Variants in TBK1 observed in about 807,000 individuals in gnomAD.
TBK1 encodes TANK binding kinase 1.
Under a neutral mutation model 99.9 loss-of-function variants are expected in TBK1, and 37 were observed. That is an observed-to-expected ratio of 0.37 (90% CI 0.28 to 0.49). TBK1 has a LOEUF of 0.49. TBK1 is among the 20% of genes least tolerant of loss of function. TBK1 has a pLI of 0.98. For synonymous variants in TBK1, 258 were observed against 279.8 expected, an observed-to-expected ratio of 0.92 and a Z score of 0.78; for missense variants, 644 against 872.5, an observed-to-expected ratio of 0.74 and a Z score of 3.30.
intron 5 of TBK1, among the ~76,000 whole-genome samples, chr12:64,472,035 T>G (rs1010837045): frequency 2.0e-5 from 3 of 151,924 alleles, no homozygotes; most frequent in African/African-American, 7.3e-5. Flanking sequence ...ACACACTAAG[T>G]ACCAGCTGCT....
intron 8 of TBK1, among the ~76,000 whole-genome samples, chr12:64,483,150 T>G (rs774986479): frequency 3.3e-5 from 5 of 152,228 alleles, no homozygotes; most frequent in Non-Finnish European, 7.3e-5. Flanking sequence ...TAAAAAAATA[T>G]AATTTGATTT....
intron 6 of TBK1, among the ~76,000 whole-genome samples, chr12:64,477,322 T>C (rs1016319917): frequency 5.3e-5 from 8 of 152,248 alleles, no homozygotes; most frequent in African/African-American, 1.9e-4. Context: ...CCATTTGTTG[T>C]GTCATTTATG....
chr12:64,452,295 T>G (rs956060514), intron 1 of TBK1, 108 bp downstream of exon 1: 16 of 152,030 alleles, frequency 1.1e-4, no homozygotes, highest in African/African-American at 3.1e-4. Flanking sequence ...GAGGCTGGGA[T>G]GCTGAGTCAG....
intron 5 of TBK1, among the ~76,000 whole-genome samples, chr12:64,470,492 CATG>C (rs1025732284): frequency 2.0e-4 from 30 of 152,050 alleles, no homozygotes; most frequent in Non-Finnish European, 3.5e-4. Flanking sequence ...TTGTTATTGA[CATG>C]ATTTTCCAAA....
chr12:64,467,461 G>T (rs1368269046), intron 5 of TBK1, among the ~76,000 whole-genome samples: 2 of 151,952 alleles, frequency 1.3e-5, no homozygotes, highest in Admixed American at 6.6e-5. Flanking sequence ...ATTGAATGAC[G>T]AAAAGGACCA....
intron 3 of TBK1, among the ~76,000 whole-genome samples, 177 bp from the exon 4 acceptor site, chr12:64,464,157 C>T (rs547871410): frequency 2.1e-4 from 32 of 152,228 alleles, no homozygotes; most frequent in Middle Eastern, 3.4e-3. Flanking sequence ...CCACCACACC[C>T]GGCCGGAAGA....
intron 9 of TBK1, 98 bp downstream of exon 9, chr12:64,484,597 C>T (rs1453159857): frequency 8.2e-7 from 1 of 1,214,340 alleles, no homozygotes; most frequent in East Asian, 2.6e-5. Flanking sequence ...AAAAATAAAA[C>T]AAAAATTAGT....
Position 64,484,426 on chromosome 12 carries a change from A to G in TBK1, c.1116A>G (p.Lys372=), listed in dbSNP as rs775134475. ...EPGRLAQHFP[K]TTEENPIFVV... is the part of the protein sequence containing the mutation. ...GAAGGCTGGCACAACATTTCCCTAA[A>G]ACTACTGAGGAAAACCCTATATTTG... is the stretch of plus-strand genomic sequence containing the variant. Residue 372 remains lysine (K), a synonymous_variant, in exon 9 of 21, where the codon AAA becomes AAG. Coordinates refer to ENST00000331710, the MANE Select transcript of TBK1 (RefSeq NM_013254.4). 2.0e-5 allele frequency: 33 copies of G among 1,614,008 alleles called. No homozygotes were observed. Among genetic ancestry groups the G allele is most frequent in the Non-Finnish European group, 2.8e-5 (33 of 1,180,024 alleles).
At chr12:64,452,257 C>G (rs955527391) in intron 1 of TBK1, 70 bp downstream of exon 1, 2 of 152,112 alleles carry the variant, frequency 1.3e-5, no homozygotes, top group East Asian at 1.9e-4. Flanking sequence ...CTGCGCCGCC[C>G]GGCGGGGAGC....
intron 11 of TBK1, among the ~76,000 whole-genome samples, chr12:64,487,842 C>T (rs2040834028): frequency 6.6e-6 from 1 of 152,128 alleles, no homozygotes; most frequent in Non-Finnish European, 1.5e-5. Context: ...TTTGTTGATC[C>T]CTGATGTAGA....
chr12:64,462,410 C>G (rs1164952478), intron 3 of TBK1, among the ~76,000 whole-genome samples: 1 of 152,156 alleles, frequency 6.6e-6, no homozygotes, highest in African/African-American at 2.4e-5. Flanking sequence ...GTAGTATGAT[C>G]TTAACATATA....
intron 3 of TBK1, among the ~76,000 whole-genome samples, chr12:64,463,295 C>T (rs981746384): frequency 1.8e-4 from 27 of 151,710 alleles, no homozygotes; most frequent in African/African-American, 4.6e-4. Context: ...TGGAGAGTGG[C>T]GTGAACCCTG....
chr12:64,481,082 C>G (rs577354251), intron 7 of TBK1, among the ~76,000 whole-genome samples: 2 of 152,130 alleles, frequency 1.3e-5, no homozygotes, highest in South Asian at 4.1e-4. Flanking sequence ...CGTCATGTAA[C>G]TAGATTACTA....
intron 13 of TBK1, 148 bp from the exon 14 acceptor site, chr12:64,495,333 CTT>C: frequency 9.9e-7 from 1 of 1,006,376 alleles, no homozygotes; most frequent in South Asian, 1.7e-5. Context: ...CTAAGAAACT[CTT>C]TTGTATTTAA....
chr12:64,499,654 G>C lies in TBK1; in HGVS notation c.2138+1615G>C, dbSNP rs533894473. Among the ~76,000 whole-genome samples, 4 of 147,276 alleles carry C rather than the reference G, an allele frequency of 2.7e-5. No individual in the cohort carries two copies. The South Asian group carries it at 8.6e-4, about 32-fold the overall frequency. ...CAGAACTTTAGCTAAATCCTTTTAG[G>C]CTTAAAGATCACCAAGTAGAAGAGA... On this transcript the variant is annotated intron_variant, in intron 20 of 20. Coordinates refer to ENST00000331710, the MANE Select transcript of TBK1 (RefSeq NM_013254.4).
At chr12:64,473,886 G>A (rs1199632774) in intron 5 of TBK1, among the ~76,000 whole-genome samples, 3 of 152,076 alleles carry the variant, frequency 2.0e-5, no homozygotes, top group African/African-American at 4.8e-5. Context: ...GCAGTGAGCC[G>A]AGATCAAGCC....
At chr12:64,482,776 C>T (rs1181372873) in intron 8 of TBK1, among the ~76,000 whole-genome samples, 1 of 152,142 alleles carries the variant, frequency 6.6e-6, no homozygotes. Context: ...CCTATATAGC[C>T]TAGGTGTGTA....
At position 64,484,499 on chromosome 12, in the gene TBK1, A is replaced by T; in HGVS notation, c.1189A>T (p.Ile397Phe). The change falls in exon 9 of 21, where the codon ATT (isoleucine) becomes TTT (phenylalanine). Residue 397 changes from isoleucine to phenylalanine, a missense_variant and splice_region_variant. Coordinates refer to ENST00000331710, the MANE Select transcript of TBK1 (RefSeq NM_013254.4). ...LNTIGLIYEK[I>F]SLPKVHPRYD... Reference sequence around the variant, plus strand: ...TACCATAGGATTAATATATGAAAAAAGTAAGTTGGGATTTTTCTTGTCGTT... The same window carrying T: ...TACCATAGGATTAATATATGAAAAATGTAAGTTGGGATTTTTCTTGTCGTT... The T allele has an allele frequency of 6.3e-7, 1 of 1,593,700 alleles. No individual in the cohort carries two copies. The highest frequency in any genetic ancestry group is 1.4e-5 in the African/African-American group (1 of 73,660).
At chr12:64,476,791 T>A (rs1265092070) in intron 6 of TBK1, among the ~76,000 whole-genome samples, 2 of 152,196 alleles carry the variant, frequency 1.3e-5, no homozygotes, top group Non-Finnish European at 2.9e-5. Flanking sequence ...TCTAGAATTT[T>A]TGTAGTTTGA....
Sources: gnomAD v4.1 joint callset for allele counts (sites outside exome capture counted in the v4.1 genomes callset) on GRCh38, gnomAD v4.1.1 for gene constraint, MANE v1.5 for transcripts, NCBI Gene and HGNC (gene_info 2026-07-23, HGNC 2026-07-21) for gene names.